MSI2: variants seen among roughly 807,000 people sequenced by gnomAD.
MSI2 encodes RNA-binding protein Musashi homolog 2.
A neutral mutation model predicts 45.6 loss-of-function variants in MSI2; 17 were observed. That is an observed-to-expected ratio of 0.37 (90% confidence interval 0.26 to 0.56). The LOEUF is 0.56. MSI2 is among the 20% of genes least tolerant of loss of function. The pLI is 0.77. For missense variants in MSI2, 293 were observed against 444.2 expected, an observed-to-expected ratio of 0.66 and a Z score of 3.06; for synonymous variants, 156 against 158.2, an observed-to-expected ratio of 0.99 and a Z score of 0.11.
chr17:57,362,643 AG>A (rs1160388999), intron 5 of MSI2, among the ~76,000 whole-genome samples: 4 of 152,138 alleles, frequency 2.6e-5, no homozygotes, highest in Non-Finnish European at 4.4e-5. Flanking sequence ...ATGTGGTTCT[AG>A]GGGGGAAAAA....
At chr17:57,282,130 G>A (rs978386496) in intron 5 of MSI2, among the ~76,000 whole-genome samples, 23 of 152,070 alleles carry the variant, frequency 1.5e-4, no homozygotes, top group African/African-American at 5.1e-4. Flanking sequence ...TATGACCTTG[G>A]GGTTTCCTGT....
chr17:57,534,579 G>C (rs2086884829), intron 7 of MSI2, among the ~76,000 whole-genome samples: 2 of 149,970 alleles, frequency 1.3e-5, no homozygotes, highest in South Asian at 4.3e-4. Flanking sequence ...GGGTGTGGTG[G>C]TGGGTGCCTC....
At chr17:57,526,355 G>GT (rs1328815205) in intron 6 of MSI2, among the ~76,000 whole-genome samples, 9 of 130,782 alleles carry the variant, frequency 6.9e-5, no homozygotes, top group East Asian at 4.5e-4. Flanking sequence ...TGATATACCT[G>GT]GGTGTGTGTG....
Position 57,401,384 on chromosome 17 carries a change from C to T in MSI2, c.318C>T (p.Val106=). ...AFPRRAQPKM[V]TRTKKIFVGG... Reference sequence around the variant, plus strand: ...TCTCTTGTCATTTCTTGCAGATGGTCACAAGAACAAAGAAAATATTTGTAG... The same window carrying T: ...TCTCTTGTCATTTCTTGCAGATGGTTACAAGAACAAAGAAAATATTTGTAG... Residue 106 remains valine, a synonymous_variant, in exon 6 of 14, where the codon GTC becomes GTT. Coordinates refer to ENST00000284073, the MANE Select transcript of MSI2 (RefSeq NM_138962.4). The T allele has an allele frequency of 6.2e-7, 1 of 1,613,606 alleles. No homozygotes were observed. The highest frequency in any genetic ancestry group is 8.5e-7 in the Non-Finnish European group (1 of 1,179,528).
rs2143985603 is a variant in MSI2 at position 57,518,008 on chromosome 17, ATTAGT to A, written c.406-11664_406-11660del. Among the ~76,000 whole-genome samples the A allele has an allele frequency of 1.3e-5, 2 of 152,302 alleles. 1 individual carries two copies. Among genetic ancestry groups the A allele is most frequent in the African/African-American group, 4.8e-5 (2 of 41,564 alleles). ...GTCAGACAAAAGAGCTTTAATAAAT[ATTAGT>A]TTAATGAATAAATGTGTCACCTTGG... On this transcript the variant is annotated intron_variant, in intron 6 of 13. Coordinates refer to ENST00000284073, the MANE Select transcript of MSI2 (RefSeq NM_138962.4).
chr17:57,501,404 T>C (rs577364533), intron 6 of MSI2, among the ~76,000 whole-genome samples: 5 of 152,344 alleles, frequency 3.3e-5, no homozygotes, highest in Admixed American at 6.5e-5. Context: ...CTAGTTTAGA[T>C]TGAGGGGAAG....
At chr17:57,443,171 G>C (rs1163020373) in intron 6 of MSI2, among the ~76,000 whole-genome samples, 1 of 152,132 alleles carries the variant, frequency 6.6e-6, no homozygotes, top group Admixed American at 6.5e-5. Context: ...GGGCCTTTTG[G>C]CTTCAGGTGA....
At chr17:57,531,307 C>T (rs892421009) in intron 7 of MSI2, among the ~76,000 whole-genome samples, 19 of 152,218 alleles carry the variant, frequency 1.2e-4, no homozygotes, top group African/African-American at 4.6e-4. Flanking sequence ...ATAGAACCTC[C>T]TCACAGGATT....
At chr17:57,449,680 T>G (rs544993098) in intron 6 of MSI2, 1 of 152,326 alleles carries the variant, frequency 6.6e-6, no homozygotes, top group African/African-American at 2.4e-5. Flanking sequence ...ACGACAGATT[T>G]TTTTCCCTTT....
rs1037652028 is a variant in MSI2, at chr17:57,306,729, A to G, written c.312+44537A>G. ...TTTTGTTTTATCTATTTATCTATCT[A>G]TTTGTTTGTTTGTTTATTTATTTAT... On this transcript the variant is annotated intron_variant, in intron 5 of 13. Transcript: ENST00000284073. 6.5e-4 allele frequency among the ~76,000 whole-genome samples: 98 copies of G among 150,176 alleles called. No individual in the cohort carries two copies. In the Middle Eastern group the frequency reaches 0.021, roughly 32 times the overall value.
At chr17:57,697,740 C>T in the MSI2 span, among the ~76,000 whole-genome samples, 3 of 152,086 alleles carry the variant, frequency 2.0e-5, no homozygotes, top group Non-Finnish European at 2.9e-5. Context: ...AAAGGGGTTT[C>T]CCTTATAAAA....
intron 6 of MSI2, among the ~76,000 whole-genome samples, chr17:57,495,191 A>G (rs2143829145): frequency 6.6e-6 from 1 of 152,272 alleles, no homozygotes; most frequent in East Asian, 1.9e-4. Flanking sequence ...CACTGAGTTA[A>G]TGTCCAAACC....
chr17:57,595,422 C>T (rs1470464712), intron 7 of MSI2, among the ~76,000 whole-genome samples: 3 of 151,824 alleles, frequency 2.0e-5, no homozygotes, highest in Non-Finnish European at 2.9e-5. Flanking sequence ...TTAGCTGGGG[C>T]GGCTATAATG....
In MSI2 at chr17:57,652,232, C is replaced by T. The variant is rs1434955919; in HGVS notation, c.790+71C>T. 10 of 1,427,716 alleles carry T rather than the reference C, an allele frequency of 7.0e-6. No homozygotes were observed. Among genetic ancestry groups the T allele is most frequent in the Non-Finnish European group, 9.9e-6 (10 of 1,013,920 alleles). The allele number at this position is 1,427,716 out of a possible 1,614,324, so 88.4% of individuals were successfully genotyped here. The stretch of plus-strand genomic sequence containing the variant: ...GTGCAGGGGGAGGTCAAGGCCCTGT[C>T]GGATCTGTGTGGCTGCATCTGTCCA... On this transcript the variant is annotated intron_variant, in intron 11 of 13. Transcript: ENST00000284073. The surrounding 1 kb of genome is among the most constrained non-coding windows in gnomAD (Gnocchi z 4.1).
chr17:57,646,806 T>C (rs994356491), intron 10 of MSI2, among the ~76,000 whole-genome samples: 1 of 151,794 alleles, frequency 6.6e-6, no homozygotes, highest in African/African-American at 2.4e-5. Context: ...CCATTAGTGC[T>C]TCTTTCTTTT....
At chr17:57,506,329 C>T (rs1318556329) in intron 6 of MSI2, among the ~76,000 whole-genome samples, 2 of 152,098 alleles carry the variant, frequency 1.3e-5, no homozygotes, top group Admixed American at 6.5e-5. Flanking sequence ...CTAAAGGACT[C>T]GGGGAAAACC....
At chr17:57,397,262 A>G (rs926887836) in intron 5 of MSI2, among the ~76,000 whole-genome samples, 2 of 152,134 alleles carry the variant, frequency 1.3e-5, no homozygotes, top group African/African-American at 4.8e-5. Context: ...TTGTTTTTTT[A>G]TAACCCAAAA....
intron 6 of MSI2, among the ~76,000 whole-genome samples, chr17:57,518,935 C>T (rs140416353): frequency 6.6e-6 from 1 of 152,348 alleles, no homozygotes; most frequent in Admixed American, 6.5e-5. Flanking sequence ...AGCTCTCTCT[C>T]TCAGTGTCTC....
At chr17:57,461,413 G>C (rs1357925589) in intron 6 of MSI2, among the ~76,000 whole-genome samples, 1 of 152,208 alleles carries the variant, frequency 6.6e-6, no homozygotes, top group Admixed American at 6.5e-5. Context: ...CTAAGAGGTA[G>C]CCTCGGCAGA....
Sources: allele counts gnomAD v4.1 joint callset (sites outside exome capture counted in the v4.1 genomes callset), GRCh38; gene constraint gnomAD v4.1.1; non-coding constraint Gnocchi (gnomAD v3.1); transcripts MANE v1.5; gene names NCBI Gene and HGNC (gene_info 2026-07-23, HGNC 2026-07-21).